PCDH15: variants seen among roughly 807,000 people sequenced by gnomAD.
PCDH15 encodes protocadherin-15.
In PCDH15, 129 loss-of-function variants were observed where a neutral mutation model predicts 178.5. The observed-to-expected ratio is 0.72, with a 90% CI of 0.63 to 0.84. The LOEUF (loss-of-function observed/expected upper bound fraction) is 0.84, where lower values mean the gene tolerates loss of function less well. Among genes scored for constraint, PCDH15 ranks in the 40% least tolerant of loss-of-function variants. The pLI is 0.00. For missense variants in PCDH15, 2,230 were observed against 2,099.9 expected (o/e 1.06, Z -1.21); for synonymous variants, 800 against 732.0 (o/e 1.09, Z -1.50).
intron 17 of PCDH15, among the ~76,000 whole-genome samples, chr10:54,070,482 G>C (rs1205720888): frequency 6.6e-6 from 1 of 152,208 alleles, no homozygotes; most frequent in Non-Finnish European, 1.5e-5. Flanking sequence ...GGGATTACAG[G>C]CGTGAGCCAT....
intron 1 of PCDH15, among the ~76,000 whole-genome samples, chr10:54,784,694 T>C (rs1367894794): frequency 1.3e-5 from 2 of 150,692 alleles, no homozygotes; most frequent in Non-Finnish European, 2.9e-5. Context: ...AAAAATGTAA[T>C]CCAAGGAAAA....
chr10:55,117,220 C>T (rs951176786), intron 2 of PCDH15, among the ~76,000 whole-genome samples: 1 of 152,154 alleles, frequency 6.6e-6, no homozygotes, highest in Non-Finnish European at 1.5e-5. Flanking sequence ...CTTCACTCCC[C>T]TACAAGGGAA....
intron 15 of PCDH15, among the ~76,000 whole-genome samples, chr10:54,100,731 A>T (rs1381595407): frequency 6.6e-6 from 1 of 152,198 alleles, no homozygotes; most frequent in African/African-American, 2.4e-5. Context: ...GTTATCAATA[A>T]AACTCTCACT....
intron 2 of PCDH15, among the ~76,000 whole-genome samples, chr10:55,542,627 GTACA>G (rs1841793129): frequency 7.1e-6 from 1 of 140,334 alleles, no homozygotes; most frequent in Admixed American, 7.1e-5. Context: ...GTCTATATAG[GTACA>G]TACAGACATA....
At chr10:54,528,418 TAG>T (rs1217714893) in intron 2 of PCDH15, 1 of 1,569,186 alleles carries the variant, frequency 6.4e-7, no homozygotes, top group Non-Finnish European at 8.7e-7. Context: ...GTCAAAAGTA[TAG>T]AGTCATCAAT....
At chr10:54,564,603 G>T (rs2088721220) in intron 2 of PCDH15, among the ~76,000 whole-genome samples, 2 of 151,992 alleles carry the variant, frequency 1.3e-5, no homozygotes. Flanking sequence ...GTGACTCCTG[G>T]TGTGAATTAG....
chr10:55,112,376 G>A (rs899947534), intron 2 of PCDH15, among the ~76,000 whole-genome samples: 2 of 152,106 alleles, frequency 1.3e-5, no homozygotes, highest in Non-Finnish European at 2.9e-5. Context: ...ACCCATAAGA[G>A]GGCCCTCACT....
intron 2 of PCDH15, among the ~76,000 whole-genome samples, chr10:55,396,633 G>A (rs568347833): frequency 1.3e-5 from 2 of 152,302 alleles, no homozygotes; most frequent in East Asian, 3.9e-4. Context: ...TCAAATGTGA[G>A]CTGCTTTTCA....
intron 15 of PCDH15, among the ~76,000 whole-genome samples, chr10:54,127,845 A>T (rs769051958): frequency 6.6e-6 from 1 of 152,146 alleles, no homozygotes; most frequent in Non-Finnish European, 1.5e-5. Flanking sequence ...TTCATCAATG[A>T]TGTCTCAATT....
At chr10:54,329,497 T>C (rs973499125) in intron 7 of PCDH15, 99 bp downstream of exon 7, 51 of 847,832 alleles carry the variant, frequency 6.0e-5, no homozygotes, top group African/African-American at 5.5e-4. Context: ...GATGAAGAAG[T>C]GAGTGGCACA....
chr10:55,312,178 G>C lies in PCDH15; in HGVS notation c.-156+7421C>G, dbSNP rs144369238. 5.7e-3 allele frequency among the ~76,000 whole-genome samples: 874 copies of C among 152,094 alleles called. 12 individuals carry two copies. Among genetic ancestry groups the C allele is most frequent in the African/African-American group, 0.02 (835 of 41,498 alleles). On this transcript the variant is annotated intron_variant, in intron 1 of 5. Transcript: ENST00000458638. ...AAGCCATTAGTATAAAAACCCATTC[G>C]TGTCATATCAAGAAAAAAGCCGAAG... is the stretch of plus-strand genomic sequence containing the variant.
intron 28 of PCDH15, among the ~76,000 whole-genome samples, chr10:53,853,163 T>C (rs746399673): frequency 6.6e-6 from 1 of 150,908 alleles, no homozygotes; most frequent in Non-Finnish European, 1.5e-5. Flanking sequence ...AAATCAGACA[T>C]GGAAGGGACA....
chr10:55,469,234 C>G (rs1302013306), intron 2 of PCDH15: 1 of 152,032 alleles, frequency 6.6e-6, no homozygotes, highest in Non-Finnish European at 1.5e-5. Context: ...TTGAAAGAAA[C>G]TAACACCTGT....
At chr10:54,703,245 T>C (rs531510431) in intron 1 of PCDH15, among the ~76,000 whole-genome samples, 2 of 151,948 alleles carry the variant, frequency 1.3e-5, no homozygotes, top group Non-Finnish European at 2.9e-5. Context: ...GTAAGAGCCG[T>C]CTATGACAAA....
At chr10:55,456,545 G>A (rs1430466524) in intron 2 of PCDH15, among the ~76,000 whole-genome samples, 1 of 152,050 alleles carries the variant, frequency 6.6e-6, no homozygotes, top group East Asian at 1.9e-4. Context: ...GCAGAAACCA[G>A]TCCATTTACC....
chr10:54,588,112 G>A (rs748984840), intron 2 of PCDH15, among the ~76,000 whole-genome samples: 7 of 152,252 alleles, frequency 4.6e-5, no homozygotes, highest in Admixed American at 6.5e-5. Context: ...CATGTAAAGC[G>A]AGAAGTGTGG....
At chr10:55,058,120 T>A (rs906998994) in intron 2 of PCDH15, among the ~76,000 whole-genome samples, 45 of 152,336 alleles carry the variant, frequency 3.0e-4, no homozygotes, top group African/African-American at 9.6e-4. Flanking sequence ...AAAATAAAAA[T>A]TACATATTCA....
intron 18 of PCDH15, among the ~76,000 whole-genome samples, chr10:54,066,061 G>A (rs1451652498): frequency 1.3e-5 from 2 of 152,156 alleles, no homozygotes; most frequent in Non-Finnish European, 2.9e-5. Context: ...TTCCTCCCCT[G>A]AAGACCACAT....
chr10:54,462,517 T>TTTTC (rs1272083579), intron 3 of PCDH15, among the ~76,000 whole-genome samples: 2 of 120,776 alleles, frequency 1.7e-5, no homozygotes, highest in African/African-American at 6.8e-5. Flanking sequence ...CTTTTCTTTT[T>TTTTC]TTTTTTTTTT....
Sources: allele counts gnomAD v4.1 joint callset (sites outside exome capture counted in the v4.1 genomes callset), GRCh38; gene constraint gnomAD v4.1.1; transcripts MANE v1.5; gene names NCBI Gene and HGNC (gene_info 2026-07-23, HGNC 2026-07-21).